The following SV2C variants were observed in gnomAD, a reference collection of about 807,000 sequenced individuals.
SV2C encodes the protein solute carrier family 22 member B3.
In SV2C, 49 loss-of-function variants were observed where a neutral mutation model predicts 79.7. The ratio of observed to expected loss-of-function variants is 0.61; its 90% confidence interval spans 0.49 to 0.78. The LOEUF (loss-of-function observed/expected upper bound fraction) is 0.78. Ranked by LOEUF, SV2C falls within the 30% of genes least tolerant of loss-of-function variation. SV2C has a pLI of 0.00. For missense variants in SV2C, 833 were observed against 912.9 expected, an observed-to-expected ratio of 0.91 and a Z score of 1.13; for synonymous variants, 334 against 333.2, an observed-to-expected ratio of 1.00 and a Z score of -0.03.
chr5:76,322,268 A>G (rs1463960120), intron 12 of SV2C, among the ~76,000 whole-genome samples: 1 of 152,236 alleles, frequency 6.6e-6, no homozygotes, highest in Non-Finnish European at 1.5e-5. Flanking sequence ...CCAACTCATG[A>G]GTGAACTCCC....
At chr5:76,336,492 G>A (rs978820883), downstream of SV2C, among the ~76,000 whole-genome samples, 2 of 152,146 alleles carry the variant, frequency 1.3e-5, no homozygotes, top group African/African-American at 4.8e-5. Context: ...AGATGGGGTG[G>A]CGGCCAGGCA....
At chr5:76,274,551 A>C (rs771135183) in intron 4 of SV2C, among the ~76,000 whole-genome samples, 2 of 152,174 alleles carry the variant, frequency 1.3e-5, no homozygotes, top group Non-Finnish European at 2.9e-5. Flanking sequence ...TCTGTTTAGA[A>C]AAATCGACCT....
At chr5:75,941,850 T>C in the SV2C span, among the ~76,000 whole-genome samples, 1 of 152,198 alleles carries the variant, frequency 6.6e-6, no homozygotes, top group South Asian at 2.1e-4. Flanking sequence ...CCTTGTCTGA[T>C]TGTAGGTCAT....
chr5:75,916,745 G>A, the SV2C span, among the ~76,000 whole-genome samples: 4 of 152,146 alleles, frequency 2.6e-5, no homozygotes, highest in African/African-American at 9.7e-5. Flanking sequence ...AAAGTGCTGG[G>A]ACTGCAGACA....
At chr5:76,107,811 C>G (rs1205094172) in intron 1 of SV2C, among the ~76,000 whole-genome samples, 1 of 152,090 alleles carries the variant, frequency 6.6e-6, no homozygotes, top group South Asian at 2.1e-4. Flanking sequence ...CAAGATCACA[C>G]TACTGCAATC....
intron 8 of SV2C, among the ~76,000 whole-genome samples, chr5:76,293,931 T>C (rs928706587): frequency 1.3e-5 from 2 of 152,210 alleles, no homozygotes; most frequent in African/African-American, 2.4e-5. Flanking sequence ...ACCCAGCCTG[T>C]CCTCCTGCAA....
chr5:76,063,169 C>T, the SV2C span, among the ~76,000 whole-genome samples: 1 of 152,152 alleles, frequency 6.6e-6, no homozygotes, highest in Non-Finnish European at 1.5e-5. Context: ...TTGGACTCCT[C>T]TCCCTCCTGG....
chr5:76,299,231 T>G (rs1218973471), intron 10 of SV2C, among the ~76,000 whole-genome samples: 2 of 152,210 alleles, frequency 1.3e-5, no homozygotes, highest in Non-Finnish European at 2.9e-5. Flanking sequence ...TAATCCTGGG[T>G]TCAAAATCTG....
the SV2C span, among the ~76,000 whole-genome samples, chr5:76,032,567 G>A: frequency 3.3e-5 from 5 of 152,272 alleles, no homozygotes; most frequent in South Asian, 4.2e-4. Context: ...TCCCTACAAA[G>A]GACATGAACT....
At chr5:75,984,567 A>ATCTATCTCTATC in the SV2C span, among the ~76,000 whole-genome samples, 11 of 102,922 alleles carry the variant, frequency 1.1e-4, no homozygotes, top group African/African-American at 3.2e-4. Flanking sequence ...CTATCTATCT[A>ATCTATCTCTATC]TATCTATCTA....
At chr5:76,275,130 A>G (rs1254566366) in intron 4 of SV2C, among the ~76,000 whole-genome samples, 1 of 152,166 alleles carries the variant, frequency 6.6e-6, no homozygotes, top group East Asian at 1.9e-4. Flanking sequence ...TGTGTCTTGT[A>G]CCTAAAATCT....
the SV2C span, among the ~76,000 whole-genome samples, chr5:76,008,217 G>A: frequency 1.3e-5 from 2 of 152,094 alleles, no homozygotes; most frequent in African/African-American, 4.8e-5. Context: ...TCCTCTTCAG[G>A]GGGAAGTCAT....
the SV2C span, among the ~76,000 whole-genome samples, chr5:76,036,793 C>T: frequency 8.5e-5 from 13 of 152,176 alleles, no homozygotes; most frequent in East Asian, 1.9e-4. Flanking sequence ...TGTTGGCCTG[C>T]CTTGCTAGAT....
chr5:76,283,357 G>A (rs1348978220), intron 4 of SV2C, among the ~76,000 whole-genome samples: 1 of 152,146 alleles, frequency 6.6e-6, no homozygotes, highest in Non-Finnish European at 1.5e-5. Flanking sequence ...AATGGTACCA[G>A]AGACCTTCCC....
intron 12 of SV2C, among the ~76,000 whole-genome samples, chr5:76,341,537 G>T (rs2112585436): frequency 6.6e-6 from 1 of 152,282 alleles, no homozygotes; most frequent in East Asian, 1.9e-4. Context: ...GACAATATGG[G>T]TTTGAGTCCT....
chr5:75,959,840 A>T, the SV2C span, among the ~76,000 whole-genome samples: 1 of 152,052 alleles, frequency 6.6e-6, no homozygotes, highest in Non-Finnish European at 1.5e-5. Context: ...AGATAAGACC[A>T]GTCCTATTCA....
the SV2C span, among the ~76,000 whole-genome samples, chr5:75,950,108 C>T: frequency 3.9e-5 from 6 of 151,988 alleles, no homozygotes; most frequent in African/African-American, 1.4e-4. Flanking sequence ...TAGAACTGAG[C>T]CCTGGGGCAC....
chr5:76,285,068 A>C, intron 4 of SV2C, 94 bp from the exon 5 acceptor site: 1 of 1,541,486 alleles, frequency 6.5e-7, no homozygotes, highest in South Asian at 1.3e-5. Context: ...GTAAGACTTG[A>C]CTAATAAGTC....
the SV2C span, among the ~76,000 whole-genome samples, chr5:75,957,598 A>C: frequency 6.6e-6 from 1 of 152,062 alleles, no homozygotes; most frequent in Non-Finnish European, 1.5e-5. Context: ...AAGTAAATCC[A>C]AACTTTCTTT....
Sources: allele counts gnomAD v4.1 joint callset (sites outside exome capture counted in the v4.1 genomes callset), GRCh38; gene constraint gnomAD v4.1.1; transcripts MANE v1.5; gene names NCBI Gene and HGNC (gene_info 2026-07-23, HGNC 2026-07-21).